Variants in TLK1 observed in about 807,000 individuals in gnomAD.
TLK1 encodes the protein serine/threonine-protein kinase tousled-like 1.
A neutral mutation model predicts 105.3 loss-of-function variants in TLK1; 24 were observed. That is an observed-to-expected ratio of 0.23 (90% confidence interval 0.17 to 0.32). The LOEUF is 0.32. Among genes scored for constraint, TLK1 ranks in the 10% least tolerant of loss-of-function variants. TLK1 has a pLI of 1.00. For synonymous variants in TLK1, 321 were observed against 310.4 expected (o/e 1.03, Z -0.36); for missense variants, 558 against 910.5 (o/e 0.61, Z 4.98).
rs199979419 is a variant in TLK1, at chr2:171,115,173, TC to T, written c.258+2565del. The stretch of plus-strand genomic sequence containing the variant: ...TTGCTTCATCTTTTAAGAATTTCTT[TC>T]TTTTTTTTTTTTTTGAGACTGAGTT... On this transcript the variant is annotated intron_variant, in intron 2 of 20. Coordinates refer to ENST00000431350, the MANE Select transcript of TLK1 (RefSeq NM_012290.5). Among the ~76,000 whole-genome samples the T allele has an allele frequency of 1.6e-3, 233 of 145,278 alleles. 23 individuals carry two copies. The highest frequency in any genetic ancestry group is 5.7e-3 in the African/African-American group (217 of 37,764).
intron 1 of TLK1, among the ~76,000 whole-genome samples, chr2:171,133,381 G>C (rs1031071909): frequency 1.3e-5 from 2 of 152,178 alleles, no homozygotes; most frequent in East Asian, 3.8e-4. Context: ...TGGATCACTT[G>C]AGGTCAGGAG....
At chr2:171,100,851 C>A (rs1384257946) in intron 2 of TLK1, among the ~76,000 whole-genome samples, 1 of 151,938 alleles carries the variant, frequency 6.6e-6, no homozygotes, top group Non-Finnish European at 1.5e-5. Context: ...AAACATATGT[C>A]TACAAAAAAT....
chr2:171,229,950 T>C (rs931950071), intron 1 of TLK1, among the ~76,000 whole-genome samples: 1 of 152,188 alleles, frequency 6.6e-6, no homozygotes, highest in African/African-American at 2.4e-5. Context: ...TCCACCCATG[T>C]TTGTAAGGTA....
chr2:171,076,021 C>G (rs1688486386), intron 3 of TLK1, among the ~76,000 whole-genome samples: 1 of 152,126 alleles, frequency 6.6e-6, no homozygotes, highest in Non-Finnish European at 1.5e-5. Flanking sequence ...AGTTCAAGAC[C>G]AGCCTGGCTA....
At chr2:171,163,910 G>T (rs1182497852), upstream of TLK1, among the ~76,000 whole-genome samples, 1 of 152,142 alleles carries the variant, frequency 6.6e-6, no homozygotes, top group East Asian at 1.9e-4. Flanking sequence ...TATTTTAGTA[G>T]AGATGGGGTT....
At chr2:171,072,105 T>C (rs1455160665) in intron 3 of TLK1, among the ~76,000 whole-genome samples, 1 of 152,224 alleles carries the variant, frequency 6.6e-6, no homozygotes, top group Non-Finnish European at 1.5e-5. Context: ...ATACAAATTT[T>C]AGAATTATTT....
At chr2:171,124,905 CA>C (rs1690806175) in intron 1 of TLK1, among the ~76,000 whole-genome samples, 1 of 152,086 alleles carries the variant, frequency 6.6e-6, no homozygotes, top group Non-Finnish European at 1.5e-5. Flanking sequence ...TGAATTGTAT[CA>C]ATAACATCTG....
At chr2:171,011,825 T>C (rs1433677016) in intron 13 of TLK1, among the ~76,000 whole-genome samples, 1 of 152,192 alleles carries the variant, frequency 6.6e-6, no homozygotes, top group African/African-American at 2.4e-5. Flanking sequence ...ATAATCAAGC[T>C]TTTACAGTAT....
At chr2:171,097,647 G>A (rs1033678223) in intron 2 of TLK1, among the ~76,000 whole-genome samples, 4 of 152,116 alleles carry the variant, frequency 2.6e-5, no homozygotes, top group African/African-American at 4.8e-5. Context: ...ATAGGCGGCC[G>A]GGTGTGGTGG....
intron 2 of TLK1, among the ~76,000 whole-genome samples, chr2:171,109,680 T>C (rs1386880595): frequency 6.6e-6 from 1 of 152,208 alleles, no homozygotes; most frequent in African/African-American, 2.4e-5. Flanking sequence ...TACCAAAACA[T>C]TTGTACCAAA....
intron 8 of TLK1, among the ~76,000 whole-genome samples, chr2:171,051,809 C>T (rs149319224): frequency 1.3e-5 from 2 of 152,226 alleles, no homozygotes; most frequent in East Asian, 3.9e-4. Flanking sequence ...AGAAACAGAT[C>T]CACCTGTATA....
chr2:171,130,306 G>C (rs1362865850), intron 1 of TLK1, among the ~76,000 whole-genome samples: 1 of 152,196 alleles, frequency 6.6e-6, no homozygotes, highest in African/African-American at 2.4e-5. Flanking sequence ...GGAGGCTGAA[G>C]CAGGAGAATT....
chr2:171,164,977 T>A (rs1692580337), upstream of TLK1, among the ~76,000 whole-genome samples: 1 of 151,910 alleles, frequency 6.6e-6, no homozygotes, highest in African/African-American at 2.4e-5. Flanking sequence ...AGAAAAAGAT[T>A]AGATGGCTAG....
At chr2:171,160,900 T>TACAGGCGGCGGCGGCG (rs1692471665), upstream of TLK1, 1 of 264,096 alleles carries the variant, frequency 3.8e-6, no homozygotes, top group Non-Finnish European at 6.9e-6. The surrounding 1 kb of genome is among the most constrained non-coding windows in gnomAD (Gnocchi z 4.4). Flanking sequence ...CTGCATCAGT[T>TACAGGCGGCGGCGGCG]ACAGGCGGCG....
At chr2:170,995,471 C>G (rs1393778350) in intron 20 of TLK1, among the ~76,000 whole-genome samples, 6 of 151,986 alleles carry the variant, frequency 3.9e-5, no homozygotes. Context: ...AAGGAGAGAA[C>G]CAGGAATGGC....
chr2:171,002,513 A>T (rs1030317060), intron 18 of TLK1, among the ~76,000 whole-genome samples: 1 of 152,158 alleles, frequency 6.6e-6, no homozygotes, highest in Non-Finnish European at 1.5e-5. Flanking sequence ...TGACCTCGTG[A>T]TCCACCTGCC....
chr2:171,145,036 C>CGG (rs1558966534), intron 1 of TLK1, among the ~76,000 whole-genome samples: 1 of 152,156 alleles, frequency 6.6e-6, no homozygotes, highest in African/African-American at 2.4e-5. Context: ...CAGCCAGGCA[C>CGG]GGTGGCTCAC....
intron 3 of TLK1, among the ~76,000 whole-genome samples, chr2:171,081,932 T>C (rs1031266330): frequency 5.9e-5 from 9 of 152,066 alleles, no homozygotes; most frequent in African/African-American, 1.7e-4. Context: ...TATTATCAAG[T>C]TGATAGGTCT....
intron 8 of TLK1, 178 bp downstream of exon 8, chr2:171,053,583 G>A (rs1687349743): frequency 4.5e-6 from 2 of 449,314 alleles, no homozygotes; most frequent in Admixed American, 3.9e-5. Flanking sequence ...GGATGCTCTT[G>A]ATCTCTCAAC....
Sources: gnomAD v4.1 joint callset for allele counts (sites outside exome capture counted in the v4.1 genomes callset) on GRCh38, gnomAD v4.1.1 for gene constraint, Gnocchi (gnomAD v3.1) non-coding constraint, MANE v1.5 for transcripts, NCBI Gene and HGNC (gene_info 2026-07-23, HGNC 2026-07-21) for gene names.